Variants in TDRD12 observed in about 807,000 individuals in gnomAD.
TDRD12 encodes the protein putative ATP-dependent RNA helicase TDRD12.
Under a neutral mutation model 133.5 loss-of-function variants are expected in TDRD12, and 158 were observed. The observed-to-expected ratio is 1.18, with a 90% CI of 1.04 to 1.35. The LOEUF (loss-of-function observed/expected upper bound fraction) is 1.35. Among genes scored for constraint, TDRD12 ranks in the 40% most tolerant of loss-of-function variants. The pLI is 0.00. For synonymous variants in TDRD12, 460 were observed against 477.9 expected (o/e 0.96, Z 0.49); for missense variants, 1,443 against 1,321.3 (o/e 1.09, Z -1.43).
chr19:32,742,551 G>A lies in TDRD12; in HGVS notation c.321-230G>A, dbSNP rs570736084. 3.3e-5 allele frequency among the ~76,000 whole-genome samples: 5 copies of A among 152,188 alleles called. No individual in the cohort carries two copies. In the East Asian group the frequency reaches 5.8e-4, roughly 18 times the overall value. Reference sequence around the variant, plus strand: ...GATACACTATCTATGTGCCATATCCGTGCTTTATGTATCAAAAGAGTACGA... The same window carrying A: ...GATACACTATCTATGTGCCATATCCATGCTTTATGTATCAAAAGAGTACGA... On this transcript the variant is annotated intron_variant, in intron 3 of 27. Transcript: ENST00000444215.
rs183941612 is a variant in TDRD12 at position 32,819,167 on chromosome 19, A to C, written c.3383+1010A>C. Among the ~76,000 whole-genome samples the C allele has an allele frequency of 2.7e-3, 413 of 152,144 alleles. 2 individuals carry two copies. The highest frequency in any genetic ancestry group is 9.5e-3 in the African/African-American group (396 of 41,496). On this transcript the variant is annotated intron_variant, in intron 27 of 27. Transcript: ENST00000444215. ...CCCTGTCTCTACTAAAAATACAAAA[A>C]TTAGCTGGGTTTGGTGGTACAAGCC...
chr19:32,732,760 C>G (rs1000966257), intron 2 of TDRD12, among the ~76,000 whole-genome samples: 2 of 152,218 alleles, frequency 1.3e-5, no homozygotes, highest in Admixed American at 6.5e-5. Context: ...CCCAAATCAT[C>G]ATTAATAACA....
intron 2 of TDRD12, among the ~76,000 whole-genome samples, chr19:32,734,890 C>A (rs896911095): frequency 2.6e-5 from 4 of 152,096 alleles, no homozygotes; most frequent in African/African-American, 9.7e-5. Context: ...TTATAGTGAT[C>A]TGTGGCCAGT....
chr19:32,808,240 A>AT (rs1280826011), intron 22 of TDRD12, among the ~76,000 whole-genome samples: 3 of 151,770 alleles, frequency 2.0e-5, no homozygotes, highest in Non-Finnish European at 4.4e-5. Flanking sequence ...TGAGCATACA[A>AT]TTTCTCTCCC....
intron 6 of TDRD12, among the ~76,000 whole-genome samples, chr19:32,750,269 G>A (rs564347884): frequency 4.6e-5 from 7 of 150,932 alleles, no homozygotes; most frequent in Admixed American, 1.3e-4. Context: ...GACATCATAT[G>A]TGAGTGGCCC....
chr19:32,811,663 A>T (rs1221880443), intron 24 of TDRD12, among the ~76,000 whole-genome samples: 1 of 152,132 alleles, frequency 6.6e-6, no homozygotes, highest in Non-Finnish European at 1.5e-5. Context: ...TAAAGTAGGG[A>T]TGTTGGTAAA....
exon 10 of TDRD12, chr19:32,773,477 T>C (rs1409727489): frequency 2.6e-6 from 4 of 1,551,846 alleles, no homozygotes. Flanking sequence ...CTCAGTGTAC[T>C]GGCCAGCAAA....
In TDRD12 at chr19:32,800,776, AGTCCATCTCCATATAAAAAATGTTCT is replaced by A. The variant is rs1268507282; in HGVS notation, c.2079+7_2079+32del. On this transcript the variant is annotated splice_donor_5th_base_variant and intron_variant, in intron 18 of 27. Coordinates refer to ENST00000444215, the Ensembl canonical transcript of TDRD12. ...TGAAACAGAAATAGTGTGTAAGGTG[AGTCCATCTCCATATAAAAAATGTTCT>A]GTTTGTTTCAACTGGTCGAATCTCA... is the stretch of plus-strand genomic sequence containing the variant. 1.3e-6 allele frequency: 2 copies of A among 1,515,558 alleles called. No homozygotes were observed. Among genetic ancestry groups the A allele is most frequent in the Non-Finnish European group, 1.8e-6 (2 of 1,140,508 alleles). 93.9% of individuals were successfully genotyped at this position (1,515,558 alleles called of 1,614,324 possible).
intron 14 of TDRD12, among the ~76,000 whole-genome samples, chr19:32,797,531 C>T (rs1971265797): frequency 6.6e-6 from 1 of 152,194 alleles, no homozygotes; most frequent in Non-Finnish European, 1.5e-5. Flanking sequence ...GTGTGAAGTG[C>T]TTCATTGAGA....
intron 8 of TDRD12, among the ~76,000 whole-genome samples, chr19:32,759,408 C>G (rs963118732): frequency 3.3e-5 from 5 of 151,678 alleles, no homozygotes; most frequent in South Asian, 2.1e-4. Context: ...ATGTCTCAGT[C>G]TGGGAATTTT....
chr19:32,771,064 T>G (rs1482598110), intron 8 of TDRD12, among the ~76,000 whole-genome samples: 2 of 152,172 alleles, frequency 1.3e-5, no homozygotes, highest in African/African-American at 4.8e-5. Flanking sequence ...TGGCATCTGC[T>G]TATGGTGAGG....
At chr19:32,732,162 C>T (rs1969077597) in intron 2 of TDRD12, among the ~76,000 whole-genome samples, 1 of 152,192 alleles carries the variant, frequency 6.6e-6, no homozygotes, top group Non-Finnish European at 1.5e-5. Flanking sequence ...GGCCACCACA[C>T]TCAGCTAATT....
At chr19:32,780,142 G>A (rs528377279) in intron 11 of TDRD12, among the ~76,000 whole-genome samples, 105 of 146,292 alleles carry the variant, frequency 7.2e-4, no homozygotes, top group African/African-American at 2.5e-3. Context: ...TGAGTGCAGC[G>A]GTACAATCTC....
chr19:32,733,797 G>A (rs1276583894), intron 2 of TDRD12, among the ~76,000 whole-genome samples: 4 of 151,836 alleles, frequency 2.6e-5, no homozygotes, highest in African/African-American at 9.7e-5. Context: ...GAATTCTTCT[G>A]TTATAGAACT....
chr19:32,821,367 A>AGTGTGT, downstream of TDRD12: 1 of 486,144 alleles, frequency 2.1e-6, no homozygotes, highest in Non-Finnish European at 3.6e-6. Context: ...ACAGCTCAGC[A>AGTGTGT]GAGTGTGTGT....
chr19:32,804,788 G>C (rs150976907), intron 21 of TDRD12, among the ~76,000 whole-genome samples: 1 of 151,780 alleles, frequency 6.6e-6, no homozygotes, highest in Non-Finnish European at 1.5e-5. Flanking sequence ...CCTGGGAAGC[G>C]GAGGTTGCAG....
At chr19:32,815,344 A>C in intron 25 of TDRD12, 104 bp from the exon 26 acceptor site, 1 of 970,914 alleles carries the variant, frequency 1.0e-6, no homozygotes, top group South Asian at 1.7e-5. Flanking sequence ...AGTGCAGCCA[A>C]CGTGGCAGGC....
At chr19:32,822,768 AC>A (rs1366726100), downstream of TDRD12, among the ~76,000 whole-genome samples, 1 of 149,902 alleles carries the variant, frequency 6.7e-6, no homozygotes, top group Non-Finnish European at 1.5e-5. Flanking sequence ...GATAAATGGG[AC>A]AAAACCCAAG....
intron 11 of TDRD12, among the ~76,000 whole-genome samples, chr19:32,780,079 C>CT (rs1205171086): frequency 2.5e-5 from 3 of 119,116 alleles, no homozygotes; most frequent in Non-Finnish European, 5.2e-5. Flanking sequence ...TTCTTTTTTT[C>CT]TTTTCTTTTT....
Sources: gnomAD v4.1 joint callset for allele counts (sites outside exome capture counted in the v4.1 genomes callset) on GRCh38, gnomAD v4.1.1 for gene constraint, MANE v1.5 for transcripts, NCBI Gene and HGNC (gene_info 2026-07-23, HGNC 2026-07-21) for gene names.